SCNN1B: variants seen among roughly 807,000 people sequenced by gnomAD.
SCNN1B encodes the protein epithelial sodium channel subunit beta.
In SCNN1B, 46 loss-of-function variants were observed where a neutral mutation model predicts 65.3. That is an observed-to-expected ratio of 0.70 (90% confidence interval 0.56 to 0.90). The LOEUF is 0.90. Among genes scored for constraint, SCNN1B ranks in the 40% least tolerant of loss-of-function variants. The probability of loss-of-function intolerance (pLI) is 0.00; values close to 1 mark genes in which losing one functional copy is unlikely to be tolerated. For synonymous variants in SCNN1B, 349 were observed against 330.6 expected, an observed-to-expected ratio of 1.06 and a Z score of -0.60; for missense variants, 751 against 830.5, an observed-to-expected ratio of 0.90 and a Z score of 1.18.
rs960296760 is a variant in SCNN1B at position 23,380,249 on chromosome 16, G to A, written c.1542+80G>A. On this transcript the variant is annotated intron_variant, in intron 12 of 12. Coordinates refer to ENST00000343070, the MANE Select transcript of SCNN1B (RefSeq NM_000336.3). This position sits in a 1 kb window ranked among gnomAD's most constrained non-coding sequence, Gnocchi z 5.4. ...CCTGAGGGTGGGGGAAGGGTTCTGA[G>A]CCCTATGAAGGAATTAGGAAGATCC... is the stretch of plus-strand genomic sequence containing the variant. The A allele has an allele frequency of 4.7e-6, 7 of 1,504,890 alleles. No homozygotes were observed. Among genetic ancestry groups the A allele is most frequent in the African/African-American group, 4.1e-5 (3 of 72,670 alleles). 93.2% of individuals were successfully genotyped at this position (1,504,890 alleles called of 1,614,324 possible). A position where few individuals can be genotyped will look rare whatever the true frequency, so the allele number is the denominator to read the frequency against.
intron 1 of SCNN1B, among the ~76,000 whole-genome samples, chr16:23,306,854 T>C (rs1961229795): frequency 6.6e-6 from 1 of 152,208 alleles, no homozygotes; most frequent in East Asian, 1.9e-4. Context: ...TAACTGGAGA[T>C]TGAGAAAAGG....
chr16:23,348,755 G>A lies in SCNN1B; in HGVS notation c.156G>A (p.Trp52Ter), dbSNP rs777768050. ...AGGGGCCCAAGAAGAAAGCCATGTG[G>A]TTCCTGCTCACCCTGCTCTTCGCCG... ...ICEGPKKKAMWFLLTLLFAAL... is the reference protein window; with the variant it reads ...ICEGPKKKAM The change falls in exon 2 of 13, where the codon TGG (tryptophan) becomes TGA (stop). Residue 52 changes from tryptophan to a stop codon, truncating the protein, a stop_gained. Transcript: ENST00000343070. LOFTEE classifies it high-confidence loss of function. This position sits in a 1 kb window ranked among gnomAD's most constrained non-coding sequence, Gnocchi z 4.5. 4 of 1,614,222 alleles carry A rather than the reference G, an allele frequency of 2.5e-6. No homozygotes were observed. The highest frequency in any genetic ancestry group is 3.4e-6 in the Non-Finnish European group (4 of 1,180,040).
At chr16:23,287,118 C>T (rs1325641089) in intron 2 of SCNN1B, among the ~76,000 whole-genome samples, 1 of 151,436 alleles carries the variant, frequency 6.6e-6, no homozygotes, top group Non-Finnish European at 1.5e-5. Context: ...GGTTCTCTTG[C>T]CTCAGCCTCC....
chr16:23,315,824 G>A (rs1961441932), intron 1 of SCNN1B, among the ~76,000 whole-genome samples: 1 of 152,070 alleles, frequency 6.6e-6, no homozygotes, highest in Non-Finnish European at 1.5e-5. Flanking sequence ...TACAGGCATA[G>A]GGAGCAATGT....
In SCNN1B at chr16:23,280,550, C is replaced by T. The variant is rs367638544; in HGVS notation, n.110+2210C>T. ...TATTATTATTATGAGCTCTAGTTTT[C>T]CACGTATTAAACAAGCACAGAGAGG... On this transcript the variant is annotated intron_variant and non_coding_transcript_variant, in intron 1 of 3. Coordinates refer to the SCNN1B transcript ENST00000569789. Among the ~76,000 whole-genome samples, 20 of 152,216 alleles carry T rather than the reference C, an allele frequency of 1.3e-4. No homozygotes were observed. The East Asian group carries it at 3.3e-3, about 25-fold the overall frequency.
intron 1 of SCNN1B, among the ~76,000 whole-genome samples, chr16:23,305,547 T>A (rs1483174578): frequency 0.17 from 7,911 of 45,608 alleles, 1,742 homozygotes; most frequent in African/African-American, 0.54. Context: ...TATATATATA[T>A]ATATATATAT....
chr16:23,338,804 C>T (rs897925569), intron 1 of SCNN1B, among the ~76,000 whole-genome samples: 6 of 152,030 alleles, frequency 3.9e-5, no homozygotes, highest in Admixed American at 6.6e-5. Flanking sequence ...AGAAAATCCA[C>T]GTTTTAAAAA....
chr16:23,372,846 T>TC (rs999359070), intron 7 of SCNN1B, among the ~76,000 whole-genome samples: 2 of 148,764 alleles, frequency 1.3e-5, no homozygotes, highest in African/African-American at 2.5e-5. Context: ...ACGCCTGTAA[T>TC]CCCAGCACTT....
At chr16:23,345,911 CA>C (rs1420239377) in intron 1 of SCNN1B, among the ~76,000 whole-genome samples, 1 of 152,254 alleles carries the variant, frequency 6.6e-6, no homozygotes, top group East Asian at 1.9e-4. Context: ...CCTTAAAGAT[CA>C]AATACAACTG....
intron 1 of SCNN1B, among the ~76,000 whole-genome samples, chr16:23,340,281 G>A (rs1382346740): frequency 1.3e-5 from 2 of 152,188 alleles, no homozygotes; most frequent in Non-Finnish European, 2.9e-5. Flanking sequence ...TTGAAAAGCA[G>A]AAGATTTTAA....
intron 10 of SCNN1B, 55 bp downstream of exon 10, chr16:23,377,441 T>C: frequency 6.4e-7 from 1 of 1,573,602 alleles, no homozygotes; most frequent in South Asian, 1.1e-5. Flanking sequence ...GGGACAAGTC[T>C]GGGCATAAGA....
At chr16:23,320,721 T>C (rs1567296119) in intron 1 of SCNN1B, among the ~76,000 whole-genome samples, 1 of 152,210 alleles carries the variant, frequency 6.6e-6, no homozygotes, top group African/African-American at 2.4e-5. Context: ...TGGGCCTCTA[T>C]ACAAACAAAT....
chr16:23,319,744 A>T (rs1330046775), intron 1 of SCNN1B, among the ~76,000 whole-genome samples: 1 of 152,010 alleles, frequency 6.6e-6, no homozygotes, highest in African/African-American at 2.4e-5. Flanking sequence ...TGCACATATT[A>T]TCAAATTATC....
At chr16:23,280,561 A>G (rs1960770502) in intron 1 of SCNN1B, among the ~76,000 whole-genome samples, 1 of 152,186 alleles carries the variant, frequency 6.6e-6, no homozygotes, top group Admixed American at 6.5e-5. Context: ...CACGTATTAA[A>G]CAAGCACAGA....
Position 23,380,205 on chromosome 16 carries a change from C to G in SCNN1B, c.1542+36C>G. 6.4e-7 allele frequency: 1 copy of G among 1,571,470 alleles called. No homozygotes were observed. Among genetic ancestry groups the G allele is most frequent in the Non-Finnish European group, 8.8e-7 (1 of 1,141,236 alleles). ...GAGTCTCCCAATACCCCAGCCCTGC[C>G]CTGCCCTGACCCCTGCACCCTGAGG... On this transcript the variant is annotated intron_variant, in intron 12 of 12. Coordinates refer to ENST00000343070, the MANE Select transcript of SCNN1B (RefSeq NM_000336.3). This position sits in a 1 kb window ranked among gnomAD's most constrained non-coding sequence, Gnocchi z 5.4.
chr16:23,338,922 G>T (rs1207088562), intron 1 of SCNN1B, among the ~76,000 whole-genome samples: 1 of 152,198 alleles, frequency 6.6e-6, no homozygotes, highest in Non-Finnish European at 1.5e-5. Context: ...GAAGCATATT[G>T]TTTGATGAGT....
At chr16:23,304,002 G>T in intron 1 of SCNN1B, 4 of 1,324,186 alleles carry the variant, frequency 3.0e-6, no homozygotes, top group Non-Finnish European at 4.2e-6. Context: ...AGTTATCCAT[G>T]CTGCTGCATA....
At chr16:23,286,693 A>G (rs922600533) in intron 2 of SCNN1B, among the ~76,000 whole-genome samples, 1 of 152,252 alleles carries the variant, frequency 6.6e-6, no homozygotes, top group African/African-American at 2.4e-5. Context: ...CCATTCTACC[A>G]GCAAGACAAT....
intron 1 of SCNN1B, among the ~76,000 whole-genome samples, chr16:23,313,982 G>T (rs1252521496): frequency 2.6e-5 from 4 of 151,940 alleles, no homozygotes; most frequent in Admixed American, 2.6e-4. Flanking sequence ...CAACCATATG[G>T]GGGTAGGTAC....
Sources: allele counts gnomAD v4.1 joint callset (sites outside exome capture counted in the v4.1 genomes callset), GRCh38; gene constraint gnomAD v4.1.1; non-coding constraint Gnocchi (gnomAD v3.1); transcripts MANE v1.5; gene names NCBI Gene and HGNC (gene_info 2026-07-23, HGNC 2026-07-21).